Variants in RARB observed in about 807,000 individuals in gnomAD.
RARB encodes the protein HBV-activated protein.
Under a neutral mutation model 51.9 loss-of-function variants are expected in RARB, and 17 were observed. The ratio of observed to expected loss-of-function variants is 0.33; its 90% CI spans 0.22 to 0.49. The LOEUF (loss-of-function observed/expected upper bound fraction) is 0.49, where lower values mean the gene tolerates loss of function less well. RARB is among the 20% of genes least tolerant of loss of function. RARB has a pLI of 0.99. For synonymous variants in RARB, 215 were observed against 195.4 expected (o/e 1.10, Z -0.84); for missense variants, 369 against 550.8 (o/e 0.67, Z 3.30).
chr3:25,295,648 T>C (rs150981312), intron 5 of RARB, among the ~76,000 whole-genome samples: 35 of 152,350 alleles, frequency 2.3e-4, no homozygotes, highest in African/African-American at 8.4e-4. Context: ...AGGGCTGTGT[T>C]CTTTTAAGTA....
chr3:25,574,559 G>T (rs547043542), intron 4 of RARB, among the ~76,000 whole-genome samples: 34 of 152,282 alleles, frequency 2.2e-4, no homozygotes, highest in African/African-American at 7.2e-4. Context: ...TGTCTGCTCC[G>T]GGCCGCCTCT....
chr3:25,367,202 G>T (rs1324011851), intron 5 of RARB, among the ~76,000 whole-genome samples: 4 of 152,106 alleles, frequency 2.6e-5, no homozygotes, highest in African/African-American at 9.7e-5. Flanking sequence ...TGAAAGATTG[G>T]GTTTTCAATG....
Position 25,152,508 on chromosome 3 carries a change from C to T in RARB, c.-280+20300C>T, listed in dbSNP as rs185444305. Among the ~76,000 whole-genome samples the T allele has an allele frequency of 2.7e-3, 418 of 152,080 alleles. 3 individuals are homozygous for T. Among genetic ancestry groups the T allele is most frequent in the African/African-American group, 9.3e-3 (386 of 41,492 alleles). ...AAGAACTAAAATGTAGTAAACTATTCTTCATTTGATATAATTAAACACTGC... is the reference window on the plus strand; with the variant it reads ...AAGAACTAAAATGTAGTAAACTATTTTTCATTTGATATAATTAAACACTGC... On this transcript the variant is annotated intron_variant, in intron 4 of 11. Transcript: ENST00000383772.
intron 2 of RARB, among the ~76,000 whole-genome samples, chr3:24,934,192 G>C (rs1342191042): frequency 6.6e-6 from 1 of 152,096 alleles, no homozygotes; most frequent in African/African-American, 2.4e-5. Flanking sequence ...GCCAGAGGAG[G>C]GAACCGGCAA....
chr3:24,950,338 A>G (rs1194734821), intron 2 of RARB, among the ~76,000 whole-genome samples: 1 of 152,224 alleles, frequency 6.6e-6, no homozygotes, highest in East Asian at 1.9e-4. Context: ...TGTTCTTCAC[A>G]TAATTATGTA....
chr3:25,213,000 C>G (rs1280340520), intron 5 of RARB, among the ~76,000 whole-genome samples: 2 of 152,168 alleles, frequency 1.3e-5, no homozygotes, highest in African/African-American at 2.4e-5. Flanking sequence ...AGGAGAAGCT[C>G]TCAGGTTTTC....
chr3:25,138,677 T>G (rs1016830871), intron 4 of RARB, among the ~76,000 whole-genome samples: 5 of 152,168 alleles, frequency 3.3e-5, no homozygotes, highest in Non-Finnish European at 7.4e-5. Flanking sequence ...CATCCTAATG[T>G]ATCTGCATGG....
At chr3:25,374,835 G>A (rs75292870) in intron 5 of RARB, among the ~76,000 whole-genome samples, 1 of 152,136 alleles carries the variant, frequency 6.6e-6, no homozygotes, top group Non-Finnish European at 1.5e-5. Context: ...TAACACAAAT[G>A]TAGCTACACT....
intron 3 of RARB, among the ~76,000 whole-genome samples, chr3:25,502,031 G>T (rs1017233228): frequency 2.0e-5 from 3 of 152,204 alleles, no homozygotes; most frequent in Non-Finnish European, 4.4e-5. Context: ...GAATAAGAAA[G>T]TATTAGGTGG....
intron 3 of RARB, among the ~76,000 whole-genome samples, chr3:25,103,390 T>C (rs1464221645): frequency 2.6e-5 from 4 of 152,208 alleles, no homozygotes; most frequent in Non-Finnish European, 5.9e-5. Context: ...CCCTTCCTCC[T>C]CTTTCATGGT....
At chr3:25,056,668 A>T (rs1239120699) in intron 2 of RARB, among the ~76,000 whole-genome samples, 2 of 152,120 alleles carry the variant, frequency 1.3e-5, no homozygotes, top group African/African-American at 4.8e-5. Flanking sequence ...ATATACTTGT[A>T]TGTATCTCAA....
At chr3:25,148,716 G>C (rs1450005372) in intron 4 of RARB, among the ~76,000 whole-genome samples, 1 of 152,112 alleles carries the variant, frequency 6.6e-6, no homozygotes, top group Non-Finnish European at 1.5e-5. Context: ...AGTAAATATT[G>C]CCTCTCAGCA....
At position 25,279,548 on chromosome 3, in the gene RARB, T is replaced by C. The variant is rs922253801; in HGVS notation, c.178+104973T>C. 7.3e-5 allele frequency among the ~76,000 whole-genome samples: 11 copies of C among 150,954 alleles called. 1 individual carries two copies. Among genetic ancestry groups the C allele is most frequent in the Admixed American group, 2.6e-4 (4 of 15,156 alleles). ...GTACAAAAATAGATTCCAAAGCAAA[T>C]CTAGGGAAGAGATAGTTACTACTGA... is the stretch of plus-strand genomic sequence containing the variant. On this transcript the variant is annotated intron_variant, in intron 5 of 11. Coordinates refer to the RARB transcript ENST00000383772.
chr3:25,268,243 A>G (rs970166006), intron 5 of RARB, among the ~76,000 whole-genome samples: 4 of 152,124 alleles, frequency 2.6e-5, no homozygotes, highest in African/African-American at 9.7e-5. Context: ...TTTTAGGACC[A>G]GGTAGATCCA....
chr3:25,521,930 GAGAGAGCTGTTA>G (rs1332031146), intron 3 of RARB, among the ~76,000 whole-genome samples: 2 of 152,036 alleles, frequency 1.3e-5, no homozygotes, highest in African/African-American at 4.8e-5. Flanking sequence ...ATACAGTAGA[GAGAGAGCTGTTA>G]AGTGGTTTTT....
chr3:25,096,850 G>A (rs954480733), intron 3 of RARB, among the ~76,000 whole-genome samples: 1 of 152,130 alleles, frequency 6.6e-6, no homozygotes, highest in African/African-American at 2.4e-5. Flanking sequence ...TAAGAAAGTG[G>A]CTAGCAACTA....
chr3:25,399,588 G>A (rs575243639), intron 5 of RARB, among the ~76,000 whole-genome samples: 32 of 152,160 alleles, frequency 2.1e-4, no homozygotes, highest in Non-Finnish European at 3.5e-4. Flanking sequence ...TTAATTAAGA[G>A]AGTAGGAAGG....
chr3:25,125,483 G>A lies in RARB; in HGVS notation c.-327-6678G>A, dbSNP rs548066700. Among the ~76,000 whole-genome samples, 3 of 152,254 alleles carry A rather than the reference G, an allele frequency of 2.0e-5. No homozygotes were observed. In the East Asian group the frequency reaches 5.8e-4, roughly 29 times the overall value. ...TGCTATGAAAGGAAAGTACTAGGGC[G>A]TATGAAGGAATAACCAGGGCAAAAA... On this transcript the variant is annotated intron_variant, in intron 3 of 11. Transcript: ENST00000383772.
At chr3:25,451,114 A>G (rs1350154341) in intron 1 of RARB, among the ~76,000 whole-genome samples, 2 of 152,174 alleles carry the variant, frequency 1.3e-5, no homozygotes, top group Admixed American at 6.5e-5. Context: ...AAAACAAAAA[A>G]AACCCTGCCC....
Sources: allele counts gnomAD v4.1 joint callset (sites outside exome capture counted in the v4.1 genomes callset), GRCh38; gene constraint gnomAD v4.1.1; transcripts MANE v1.5; gene names NCBI Gene and HGNC (gene_info 2026-07-23, HGNC 2026-07-21).